Variants in MSI2 observed in about 807,000 individuals in gnomAD.
MSI2 encodes musashi RNA binding protein 2.
In MSI2, 17 loss-of-function variants were observed where a neutral mutation model predicts 45.6. That is an observed-to-expected ratio of 0.37 (90% CI 0.26 to 0.56). The LOEUF is 0.56. Among genes scored for constraint, MSI2 ranks in the 20% least tolerant of loss-of-function variants. The pLI is 0.77. For synonymous variants in MSI2, 156 were observed against 158.2 expected (o/e 0.99, Z 0.11); for missense variants, 293 against 444.2 (o/e 0.66, Z 3.06).
At chr17:57,606,364 T>G (rs1906574950) in intron 8 of MSI2, 1 of 152,222 alleles carries the variant, frequency 6.6e-6, no homozygotes, top group Non-Finnish European at 1.5e-5. Flanking sequence ...TGTCACTGTT[T>G]TAGAGATGAG....
At chr17:57,639,682 A>G (rs1910104023) in intron 10 of MSI2, among the ~76,000 whole-genome samples, 3 of 152,222 alleles carry the variant, frequency 2.0e-5, no homozygotes, top group African/African-American at 7.2e-5. Flanking sequence ...GAGTCTGAGC[A>G]GATGCTTGGC....
intron 5 of MSI2, chr17:57,286,017 G>A: frequency 6.6e-7 from 1 of 1,525,334 alleles, no homozygotes; most frequent in Non-Finnish European, 8.7e-7. Context: ...ATGAGGGTAA[G>A]AAAAAGTTCA....
At chr17:57,510,143 G>C (rs2086320334) in intron 6 of MSI2, among the ~76,000 whole-genome samples, 1 of 152,004 alleles carries the variant, frequency 6.6e-6, no homozygotes, top group Non-Finnish European at 1.5e-5. Flanking sequence ...TCCTTCCTCT[G>C]TCTTGGTCCC....
At chr17:57,511,360 A>G (rs1443291880) in intron 6 of MSI2, among the ~76,000 whole-genome samples, 1 of 152,116 alleles carries the variant, frequency 6.6e-6, no homozygotes, top group Non-Finnish European at 1.5e-5. Flanking sequence ...GCTCAAATAT[A>G]TTGAGTAGCC....
At chr17:57,663,496 G>A (rs568399659) in intron 11 of MSI2, among the ~76,000 whole-genome samples, 54 of 152,292 alleles carry the variant, frequency 3.5e-4, no homozygotes, top group African/African-American at 1.3e-3. Context: ...ATCCTGGAGA[G>A]GGTGGGCTTC....
chr17:57,286,980 G>A (rs773187078), intron 5 of MSI2, among the ~76,000 whole-genome samples: 5 of 151,990 alleles, frequency 3.3e-5, no homozygotes, highest in Non-Finnish European at 7.4e-5. Flanking sequence ...CCTAGGGAGA[G>A]GCTGGCCTGG....
At chr17:57,329,285 CTG>C (rs894747928) in intron 5 of MSI2, among the ~76,000 whole-genome samples, 2 of 152,204 alleles carry the variant, frequency 1.3e-5, no homozygotes, top group Non-Finnish European at 2.9e-5. Context: ...TTGGAAAACA[CTG>C]TATTTCTTTT....
chr17:57,492,458 G>T (rs2085892736), intron 6 of MSI2, among the ~76,000 whole-genome samples: 1 of 152,220 alleles, frequency 6.6e-6, no homozygotes, highest in African/African-American at 2.4e-5. Context: ...TTTGGCAGCT[G>T]ATGCTGGATG....
At chr17:57,319,983 G>C (rs117898008) in intron 5 of MSI2, among the ~76,000 whole-genome samples, 4,108 of 152,186 alleles carry the variant, frequency 0.027, 72 homozygotes, top group Non-Finnish European at 0.041. Flanking sequence ...ATCCCTTATT[G>C]TTCCTCAAAT....
At chr17:57,473,743 A>G (rs2085484890) in intron 6 of MSI2, among the ~76,000 whole-genome samples, 1 of 152,050 alleles carries the variant, frequency 6.6e-6, no homozygotes, top group Admixed American at 6.5e-5. Flanking sequence ...GCTACTACCC[A>G]CCTTGTCTGG....
intron 11 of MSI2, among the ~76,000 whole-genome samples, chr17:57,661,788 C>T (rs944734176): frequency 1.3e-5 from 2 of 152,106 alleles, no homozygotes; most frequent in African/African-American, 2.4e-5. Context: ...TTCTTTCTGC[C>T]ACTCCATTTC....
At chr17:57,661,281 C>G (rs1363624352) in intron 11 of MSI2, among the ~76,000 whole-genome samples, 8 of 152,080 alleles carry the variant, frequency 5.3e-5, no homozygotes, top group African/African-American at 1.7e-4. Context: ...GGATAGATTC[C>G]TACAAGGTCA....
At chr17:57,427,614 A>C (rs1469603235) in intron 6 of MSI2, among the ~76,000 whole-genome samples, 1 of 152,148 alleles carries the variant, frequency 6.6e-6, no homozygotes, top group Admixed American at 6.5e-5. Context: ...AGTGTCAGAC[A>C]CACTTTACAT....
intron 6 of MSI2, among the ~76,000 whole-genome samples, chr17:57,463,156 C>T (rs17821691): frequency 0.19 from 28,733 of 152,126 alleles, 3,157 homozygotes; most frequent in Non-Finnish European, 0.24. Flanking sequence ...TCTGCTAGGA[C>T]CCCGGCCTGC....
At chr17:57,491,849 G>T (rs896819936) in intron 6 of MSI2, among the ~76,000 whole-genome samples, 1 of 152,144 alleles carries the variant, frequency 6.6e-6, no homozygotes, top group Non-Finnish European at 1.5e-5. Context: ...TGGCAGCTTT[G>T]CCTCAGTTTT....
intron 5 of MSI2, among the ~76,000 whole-genome samples, chr17:57,299,469 G>T (rs921032260): frequency 6.6e-6 from 1 of 152,200 alleles, no homozygotes; most frequent in Non-Finnish European, 1.5e-5. Flanking sequence ...AGAGGCCATT[G>T]TAGGGTTATT....
rs1201160592 is a variant in MSI2 at position 57,627,120 on chromosome 17, G to A, written c.653-109G>A. ...ACCCTCATGAGAGACAAATTATTCT[G>A]TGAAGGAAAATAACTCAGGCTTTCC... On this transcript the variant is annotated intron_variant, in intron 9 of 13. Coordinates refer to ENST00000284073, the MANE Select transcript of MSI2 (RefSeq NM_138962.4). This position sits in a 1 kb window ranked among gnomAD's most constrained non-coding sequence, Gnocchi z 4.6. 6.9e-6 allele frequency: 7 copies of A among 1,013,696 alleles called. No homozygotes were observed. The highest frequency in any genetic ancestry group is 1.1e-5 in the Non-Finnish European group (7 of 641,322). 62.8% of individuals were successfully genotyped at this position (1,013,696 alleles called of 1,614,324 possible). A position where few individuals can be genotyped will look rare whatever the true frequency, so the allele number is the denominator to read the frequency against.
chr17:57,623,088 T>G (rs879655495), intron 9 of MSI2, among the ~76,000 whole-genome samples: 3 of 152,338 alleles, frequency 2.0e-5, no homozygotes, highest in East Asian at 3.9e-4. Flanking sequence ...GAGGAGCCCC[T>G]GCAACTCAGG....
chr17:57,567,856 G>GAGGA (rs1283024993), intron 7 of MSI2, among the ~76,000 whole-genome samples: 2 of 152,212 alleles, frequency 1.3e-5, no homozygotes, highest in African/African-American at 4.8e-5. Context: ...AAGGGGAAGG[G>GAGGA]AGGAGACAGA....
Sources: allele counts gnomAD v4.1 joint callset (sites outside exome capture counted in the v4.1 genomes callset), GRCh38; gene constraint gnomAD v4.1.1; non-coding constraint Gnocchi (gnomAD v3.1); transcripts MANE v1.5; gene names NCBI Gene and HGNC (gene_info 2026-07-23, HGNC 2026-07-21).